The following PKHD1L1 variants were observed in gnomAD, a reference collection of about 807,000 sequenced individuals.
The protein encoded by PKHD1L1 is fibrocystin-L.
In PKHD1L1, 434 loss-of-function variants were observed where a neutral mutation model predicts 462.9. The ratio of observed to expected loss-of-function variants is 0.94; its 90% CI spans 0.87 to 1.02. The LOEUF is 1.02. Ranked by LOEUF, PKHD1L1 falls within the 50% of genes least tolerant of loss-of-function variation. The pLI, the probability that PKHD1L1 is intolerant of heterozygous loss-of-function variation, is 0.00. For missense variants in PKHD1L1, 5,202 were observed against 5,096.1 expected, an observed-to-expected ratio of 1.02 and a Z score of -0.63; for synonymous variants, 1,781 against 1,750.0, an observed-to-expected ratio of 1.02 and a Z score of -0.44.
rs772055258 is a variant in PKHD1L1, at chr8:109,427,003, C to A, written c.2847C>A (p.Gly949=). 6.6e-7 allele frequency: 1 copy of A among 1,506,394 alleles called. No individual in the cohort carries two copies. The highest frequency in any genetic ancestry group is 1.7e-5 in the Admixed American group (1 of 59,834). The allele number at this position is 1,506,394 out of a possible 1,614,324, so 93.3% of individuals were successfully genotyped here. The change falls in exon 25 of 78, where the codon GGC becomes GGA. Residue 949 remains glycine, a splice_region_variant and synonymous_variant. Coordinates refer to ENST00000378402, the MANE Select transcript of PKHD1L1 (RefSeq NM_177531.6). ...TTTGCCACCCCTCTGTGAGTGCAGG[C>A]CTCCCCGCTGCTGTGTCAGCTGCAG... ...DIQAYGHILK[G]LPAAVSAADL...
At chr8:109,363,210 A>C (rs1361188684) in intron 1 of PKHD1L1, among the ~76,000 whole-genome samples, 2 of 152,174 alleles carry the variant, frequency 1.3e-5, no homozygotes, top group Non-Finnish European at 2.9e-5. Flanking sequence ...TAACAGGAGG[A>C]TGAACCTGAG....
intron 2 of PKHD1L1, among the ~76,000 whole-genome samples, chr8:109,373,369 A>G (rs1043377325): frequency 1.3e-5 from 2 of 151,902 alleles, no homozygotes; most frequent in Non-Finnish European, 2.9e-5. Flanking sequence ...GTAATTTTTT[A>G]TTGTGTCTAT....
In PKHD1L1 at chr8:109,370,649, C is replaced by T. The variant is rs1197809619; in HGVS notation, c.163+6013C>T. ...CATTAGGTATATCTACTAATGCTAT[C>T]CCTACCCCCTACCCCCAACCCACAA... On this transcript the variant is annotated intron_variant, in intron 2 of 77. Coordinates refer to ENST00000378402, the MANE Select transcript of PKHD1L1 (RefSeq NM_177531.6). Among the ~76,000 whole-genome samples the T allele has an allele frequency of 2.0e-5, 3 of 152,044 alleles. No individual in the cohort carries two copies. In the East Asian group the frequency reaches 5.8e-4, roughly 29 times the overall value.
chr8:109,523,160 A>G (rs905884371), intron 75 of PKHD1L1, 73 bp from the exon 76 acceptor site: 8 of 1,362,602 alleles, frequency 5.9e-6, no homozygotes, highest in Non-Finnish European at 6.0e-6. Context: ...TTAAAAATAA[A>G]GTTTTGCATA....
intron 17 of PKHD1L1, among the ~76,000 whole-genome samples, 190 bp from the exon 18 acceptor site, chr8:109,407,859 T>A (rs940446682): frequency 3.9e-5 from 6 of 152,284 alleles, no homozygotes; most frequent in Admixed American, 3.9e-4. Flanking sequence ...ATTTATGCTA[T>A]GGATAAATCT....
intron 71 of PKHD1L1, among the ~76,000 whole-genome samples, chr8:109,511,657 G>A (rs977436115): frequency 2.1e-4 from 32 of 151,948 alleles, no homozygotes; most frequent in Admixed American, 7.2e-4. Context: ...ATAAACATAC[G>A]TGTGCATGTG....
chr8:109,522,457 T>C, intron 74 of PKHD1L1, 120 bp downstream of exon 74: 1 of 1,193,674 alleles, frequency 8.4e-7, no homozygotes. Context: ...GTCTTTCTTA[T>C]TTATTGTTGA....
intron 38 of PKHD1L1, among the ~76,000 whole-genome samples, chr8:109,447,881 T>TA (rs1318788148): frequency 6.6e-6 from 1 of 152,182 alleles, no homozygotes; most frequent in Admixed American, 6.6e-5. Flanking sequence ...CGTGAATTAA[T>TA]AACTTACAAC....
intron 23 of PKHD1L1, among the ~76,000 whole-genome samples, chr8:109,421,952 T>C (rs1814496801): frequency 6.6e-6 from 1 of 152,210 alleles, no homozygotes; most frequent in Non-Finnish European, 1.5e-5. Flanking sequence ...TAGATTTTTG[T>C]GACCTTTTAA....
intron 47 of PKHD1L1, among the ~76,000 whole-genome samples, chr8:109,460,272 A>G (rs1488441061): frequency 6.6e-6 from 1 of 152,172 alleles, no homozygotes; most frequent in Non-Finnish European, 1.5e-5. Flanking sequence ...TGATACAAAG[A>G]TTCTGTTTAG....
intron 19 of PKHD1L1, among the ~76,000 whole-genome samples, chr8:109,410,715 C>CTTTTTTTTTTTTTTTTTTGGT (rs1258360123): frequency 1.1e-5 from 1 of 90,900 alleles, no homozygotes; most frequent in Non-Finnish European, 2.1e-5. Flanking sequence ...TTTTTCTTTT[C>CTTTTTTTTTTTTTTTTTTGGT]TTTTCTTTTT....
chr8:109,488,804 G>C (rs551102343), intron 59 of PKHD1L1, among the ~76,000 whole-genome samples: 2 of 151,916 alleles, frequency 1.3e-5, no homozygotes, highest in African/African-American at 2.4e-5. Context: ...CAAGATCACA[G>C]GCACTGTGCT....
At chr8:109,465,796 A>C (rs893291395) in intron 49 of PKHD1L1, among the ~76,000 whole-genome samples, 6 of 152,218 alleles carry the variant, frequency 3.9e-5, no homozygotes. Flanking sequence ...ATTTATTCAA[A>C]GAATACCAAA....
chr8:109,439,261 C>T lies in PKHD1L1; in HGVS notation c.3956+169C>T, dbSNP rs541858644. Among the ~76,000 whole-genome samples the T allele has an allele frequency of 1.0e-3, 155 of 152,228 alleles. 1 individual carries two copies. Among genetic ancestry groups the T allele is most frequent in the Middle Eastern group, 3.4e-3 (1 of 294 alleles). On this transcript the variant is annotated intron_variant, in intron 32 of 77. Coordinates refer to ENST00000378402, the MANE Select transcript of PKHD1L1 (RefSeq NM_177531.6). ...AATATCTCATACAACTGCAATATGACGCATAGTTTTGAGACCAATACCATT... is the reference window on the plus strand; with the variant it reads ...AATATCTCATACAACTGCAATATGATGCATAGTTTTGAGACCAATACCATT...
At chr8:109,487,172 A>C (rs2130906282) in intron 59 of PKHD1L1, among the ~76,000 whole-genome samples, 1 of 152,132 alleles carries the variant, frequency 6.6e-6, no homozygotes, top group South Asian at 2.1e-4. Context: ...CAGAGAAAAC[A>C]GTATAATGAA....
Position 109,486,661 on chromosome 8 carries a change from T to C in PKHD1L1, c.9720T>C (p.His3240=), listed in dbSNP as rs371281997. The change falls in exon 59 of 78, where the codon CAT becomes CAC. Residue 3240 remains histidine, a synonymous_variant. Transcript: ENST00000378402. The part of the protein sequence containing the change: ...LSYTHFAEKY[H]VPGTGESYTL... ...TTTATACTGCAGCTGAAAAATACCA[T>C]GTCCCTGGAACTGGTGAGAGCTACA... The C allele has an allele frequency of 6.2e-7, 1 of 1,610,964 alleles. No individual in the cohort carries two copies.
chr8:109,508,592 GA>G (rs59045000), intron 70 of PKHD1L1, among the ~76,000 whole-genome samples: 1 of 151,226 alleles, frequency 6.6e-6, no homozygotes, highest in South Asian at 2.1e-4. Flanking sequence ...GTATTTTAAA[GA>G]AAAAAAAGGT....
chr8:109,362,665 G>A lies in PKHD1L1; in HGVS notation c.73+12G>A, dbSNP rs376115673. 2 of 1,588,092 alleles carry A rather than the reference G, an allele frequency of 1.3e-6. No individual in the cohort carries two copies. On this transcript the variant is annotated intron_variant, in intron 1 of 77. Coordinates refer to ENST00000378402, the MANE Select transcript of PKHD1L1 (RefSeq NM_177531.6). ...GGATCCCAGCACAGGTAACCCTTTGGGCACGCTAGGCAGGCAAGCAGGAGA... is the reference window on the plus strand; with the variant it reads ...GGATCCCAGCACAGGTAACCCTTTGAGCACGCTAGGCAGGCAAGCAGGAGA...
intron 37 of PKHD1L1, among the ~76,000 whole-genome samples, chr8:109,444,370 T>A (rs1815995669): frequency 6.6e-6 from 1 of 152,216 alleles, no homozygotes; most frequent in Non-Finnish European, 1.5e-5. Context: ...CCTAATAATA[T>A]TCTGTTGCAT....
Sources: gnomAD v4.1 joint callset for allele counts (sites outside exome capture counted in the v4.1 genomes callset) on GRCh38, gnomAD v4.1.1 for gene constraint, MANE v1.5 for transcripts, NCBI Gene and HGNC (gene_info 2026-07-23, HGNC 2026-07-21) for gene names.